Variants in SPIDR observed in about 807,000 individuals in gnomAD.
SPIDR encodes the protein scaffold protein involved in DNA repair.
In SPIDR, 93 loss-of-function variants were observed where a neutral mutation model predicts 104.6. The observed-to-expected ratio is 0.89, with a 90% CI of 0.75 to 1.06. The LOEUF (loss-of-function observed/expected upper bound fraction) is 1.06. Among genes scored for constraint, SPIDR ranks in the 50% least tolerant of loss-of-function variants. The pLI, the probability that SPIDR is intolerant of heterozygous loss-of-function variation, is 0.00. For missense variants in SPIDR, 1,154 were observed against 1,111.2 expected, an observed-to-expected ratio of 1.04 and a Z score of -0.55; for synonymous variants, 431 against 416.9, an observed-to-expected ratio of 1.03 and a Z score of -0.41.
chr8:47,319,126 T>C (rs1412693897), intron 5 of SPIDR, among the ~76,000 whole-genome samples: 1 of 151,966 alleles, frequency 6.6e-6, no homozygotes. Flanking sequence ...GGCTAAATGC[T>C]CCAATAAAAA....
At chr8:47,659,105 A>C (rs565453060) in intron 10 of SPIDR, among the ~76,000 whole-genome samples, 2 of 152,102 alleles carry the variant, frequency 1.3e-5, no homozygotes, top group African/African-American at 4.8e-5. Flanking sequence ...CAAAAATACA[A>C]AAATTAGCTG....
intron 10 of SPIDR, among the ~76,000 whole-genome samples, chr8:47,606,883 G>T (rs2063024266): frequency 6.6e-6 from 1 of 152,150 alleles, no homozygotes; most frequent in African/African-American, 2.4e-5. Context: ...ATGGAGACAG[G>T]GTGGCATACA....
chr8:47,375,232 GCT>G (rs1563778659), intron 5 of SPIDR, among the ~76,000 whole-genome samples: 1 of 108,882 alleles, frequency 9.2e-6, no homozygotes, highest in African/African-American at 3.1e-5. Flanking sequence ...GAGTTAATAG[GCT>G]TTTTTTTTTT....
chr8:47,436,691 A>G (rs1036223598), intron 7 of SPIDR, among the ~76,000 whole-genome samples: 4 of 152,148 alleles, frequency 2.6e-5, no homozygotes, highest in African/African-American at 9.7e-5. Flanking sequence ...ATACCATTGT[A>G]CTCCCGCCTG....
At position 47,590,856 on chromosome 8, in the gene SPIDR, A is replaced by G. The variant is rs148944244; in HGVS notation, c.1098-4955A>G. On this transcript the variant is annotated intron_variant, in intron 8 of 19. Coordinates refer to ENST00000297423, the MANE Select transcript of SPIDR (RefSeq NM_001080394.4). ...TGTTGCAGATACATTTAGGATTGCT[A>G]TGTCTTCATGGTGGATTGATCTTTG... Among the ~76,000 whole-genome samples, 425 of 152,264 alleles carry G rather than the reference A, an allele frequency of 2.8e-3. 1 individual carries two copies. The highest frequency in any genetic ancestry group is 9.9e-3 in the African/African-American group (413 of 41,558).
intron 8 of SPIDR, among the ~76,000 whole-genome samples, chr8:47,533,697 C>A (rs1367968891): frequency 6.6e-6 from 1 of 152,138 alleles, no homozygotes; most frequent in African/African-American, 2.4e-5. Flanking sequence ...TAGAGAAATG[C>A]AAATCAAAAC....
rs539589809 is a variant in SPIDR at position 47,708,141 on chromosome 8, A to T, written c.1978-4521A>T. ...GTGGTGAAGCCCTGTCTCTACAAAA[A>T]TACAAAAATTAGCCGGGCATGATGG... is the stretch of plus-strand genomic sequence containing the variant. On this transcript the variant is annotated intron_variant, in intron 14 of 19. Coordinates refer to ENST00000297423, the MANE Select transcript of SPIDR (RefSeq NM_001080394.4). Among the ~76,000 whole-genome samples, 12 of 152,328 alleles carry T rather than the reference A, an allele frequency of 7.9e-5. No individual in the cohort carries two copies. In the South Asian group the frequency reaches 2.5e-3, roughly 32 times the overall value.
In SPIDR at chr8:47,667,440, G is replaced by GAA. The variant is rs528607871; in HGVS notation, c.1545-6337_1545-6336dup. On this transcript the variant is annotated intron_variant, in intron 10 of 19. Transcript: ENST00000297423. ...AGCAAGACCTCGTCTCTTCAAAAGG[G>GAA]AAAAAAAAAAAAAAAAAAAAAAAAA... 6.6e-3 allele frequency among the ~76,000 whole-genome samples: 348 copies of GAA among 52,482 alleles called. 4 individuals carry two copies. Among genetic ancestry groups the GAA allele is most frequent in the Non-Finnish European group, 8.5e-3 (233 of 27,282 alleles). The allele number at this position is 52,482 out of a possible 152,430, so 34.4% of individuals were successfully genotyped here.
At chr8:47,303,266 G>T (rs1039395427) in intron 5 of SPIDR, among the ~76,000 whole-genome samples, 9 of 152,320 alleles carry the variant, frequency 5.9e-5, no homozygotes, top group Admixed American at 5.9e-4. Context: ...ATAATCTCCT[G>T]GTGTGCCATT....
chr8:47,342,485 C>T (rs1386694680), intron 5 of SPIDR, among the ~76,000 whole-genome samples: 2 of 151,662 alleles, frequency 1.3e-5, no homozygotes, highest in Admixed American at 6.6e-5. Context: ...TAGAAGTGCA[C>T]GCCACCACAC....
intron 8 of SPIDR, among the ~76,000 whole-genome samples, chr8:47,551,298 G>T (rs1421197762): frequency 6.6e-6 from 1 of 152,166 alleles, no homozygotes; most frequent in Admixed American, 6.5e-5. Context: ...ATGAGTTAGG[G>T]AGGATTCCCT....
intron 5 of SPIDR, among the ~76,000 whole-genome samples, chr8:47,317,394 G>C (rs1315854433): frequency 3.3e-5 from 5 of 152,120 alleles, no homozygotes; most frequent in Non-Finnish European, 4.4e-5. Flanking sequence ...AGGCAGCAGC[G>C]AGGCTGGGGG....
At chr8:47,635,636 G>A (rs1174398366) in intron 10 of SPIDR, among the ~76,000 whole-genome samples, 1 of 152,166 alleles carries the variant, frequency 6.6e-6, no homozygotes, top group Admixed American at 6.5e-5. Flanking sequence ...AGAATCACTT[G>A]AAGCAAGAGT....
At chr8:47,464,008 G>T (rs1157353076) in intron 8 of SPIDR, among the ~76,000 whole-genome samples, 1 of 151,858 alleles carries the variant, frequency 6.6e-6, no homozygotes, top group Admixed American at 6.6e-5. Context: ...TCTGACCAAA[G>T]CACTTAGGCA....
At chr8:47,575,977 CT>C (rs555884501) in intron 8 of SPIDR, among the ~76,000 whole-genome samples, 71 of 140,884 alleles carry the variant, frequency 5.0e-4, no homozygotes, top group Middle Eastern at 3.8e-3. Flanking sequence ...AAAAAAGTTT[CT>C]TTTTTTTTTT....
chr8:47,320,475 A>C (rs1292409002), intron 5 of SPIDR, among the ~76,000 whole-genome samples: 1 of 152,196 alleles, frequency 6.6e-6, no homozygotes, highest in Non-Finnish European at 1.5e-5. Context: ...AAACAAAAAA[A>C]GTCCAGGACT....
intron 10 of SPIDR, among the ~76,000 whole-genome samples, chr8:47,602,233 G>C (rs963937043): frequency 6.6e-6 from 1 of 152,182 alleles, no homozygotes; most frequent in Non-Finnish European, 1.5e-5. Context: ...GGTCCCACAG[G>C]ATGGACAAAG....
chr8:47,570,695 T>G (rs892277919), intron 8 of SPIDR, among the ~76,000 whole-genome samples: 8 of 152,134 alleles, frequency 5.3e-5, no homozygotes, highest in Non-Finnish European at 1.2e-4. Flanking sequence ...TATAAAAAAT[T>G]CTTACCACTC....
At chr8:47,672,529 C>T (rs1404221417) in intron 10 of SPIDR, among the ~76,000 whole-genome samples, 1 of 152,090 alleles carries the variant, frequency 6.6e-6, no homozygotes, top group African/African-American at 2.4e-5. Flanking sequence ...CCATTTGTTA[C>T]ACCTACTCAG....
Sources: allele counts gnomAD v4.1 joint callset (sites outside exome capture counted in the v4.1 genomes callset), GRCh38; gene constraint gnomAD v4.1.1; transcripts MANE v1.5; gene names NCBI Gene and HGNC (gene_info 2026-07-23, HGNC 2026-07-21).